Variants in TBC1D22A observed in about 807,000 individuals in gnomAD.
TBC1D22A encodes the protein TBC1 domain family member 22A, also known as putative GTPase activator.
TBC1D22A carries 38 observed loss-of-function variants against 60.2 expected under a neutral mutation model. The observed-to-expected ratio is 0.63, with a 90% CI of 0.49 to 0.83. The LOEUF (loss-of-function observed/expected upper bound fraction) is 0.83, where lower values mean the gene tolerates loss of function less well. Ranked by LOEUF, TBC1D22A falls within the 40% of genes least tolerant of loss-of-function variation. The pLI, the probability that TBC1D22A is intolerant of heterozygous loss-of-function variation, is 0.00. For synonymous variants in TBC1D22A, 302 were observed against 281.7 expected (o/e 1.07, Z -0.72); for missense variants, 628 against 701.0 (o/e 0.90, Z 1.18).
intron 12 of TBC1D22A, among the ~76,000 whole-genome samples, chr22:47,123,104 G>A (rs1244216669): frequency 6.6e-6 from 1 of 152,202 alleles, no homozygotes; most frequent in Non-Finnish European, 1.5e-5. Context: ...GGAGGCTGAG[G>A]GGTGTTCCCG....
intron 10 of TBC1D22A, among the ~76,000 whole-genome samples, chr22:47,015,891 T>C (rs1017705940): frequency 2.6e-4 from 39 of 152,238 alleles, no homozygotes; most frequent in African/African-American, 8.0e-4. Flanking sequence ...CATGTCCATC[T>C]GTCTCTTCCT....
chr22:46,965,925 G>T (rs1190627713), intron 8 of TBC1D22A, among the ~76,000 whole-genome samples: 1 of 152,320 alleles, frequency 6.6e-6, no homozygotes, highest in East Asian at 1.9e-4. Context: ...TTTCCACAGC[G>T]CTGGCTTCAT....
chr22:46,982,971 C>T (rs1405439925), intron 9 of TBC1D22A, among the ~76,000 whole-genome samples: 6 of 152,164 alleles, frequency 3.9e-5, no homozygotes, highest in Non-Finnish European at 5.9e-5. Context: ...TGGACAGCTC[C>T]GCCTGGGAAG....
At chr22:47,106,322 A>T (rs2065630637) in intron 11 of TBC1D22A, among the ~76,000 whole-genome samples, 1 of 152,230 alleles carries the variant, frequency 6.6e-6, no homozygotes, top group Non-Finnish European at 1.5e-5. Context: ...CAGATTCAGA[A>T]AGACCAATAT....
At chr22:47,040,724 C>T (rs987712996) in intron 11 of TBC1D22A, among the ~76,000 whole-genome samples, 3 of 152,118 alleles carry the variant, frequency 2.0e-5, no homozygotes, top group African/African-American at 7.2e-5. Context: ...AGCAGAGGAG[C>T]AGCTGGGGTA....
At chr22:47,052,106 T>C (rs1229573881) in intron 11 of TBC1D22A, among the ~76,000 whole-genome samples, 1 of 152,224 alleles carries the variant, frequency 6.6e-6, no homozygotes, top group Non-Finnish European at 1.5e-5. Flanking sequence ...CCGCAGGTCC[T>C]CTGTCACTCT....
intron 12 of TBC1D22A, among the ~76,000 whole-genome samples, chr22:47,158,152 G>C (rs1232493212): frequency 1.3e-5 from 2 of 152,206 alleles, no homozygotes; most frequent in Non-Finnish European, 2.9e-5. Context: ...TGTGGGTTCT[G>C]CACCCAGCCC....
chr22:46,942,378 C>A (rs1205696369), intron 8 of TBC1D22A, among the ~76,000 whole-genome samples: 2 of 152,124 alleles, frequency 1.3e-5, no homozygotes, highest in African/African-American at 4.8e-5. Flanking sequence ...CTTCACCACT[C>A]CTGTTGGTTT....
chr22:46,968,725 C>T (rs956536655), intron 8 of TBC1D22A, among the ~76,000 whole-genome samples: 1 of 152,214 alleles, frequency 6.6e-6, no homozygotes, highest in Non-Finnish European at 1.5e-5. Flanking sequence ...CCCACTGTTT[C>T]TTTAATCTTC....
intron 11 of TBC1D22A, among the ~76,000 whole-genome samples, chr22:47,095,840 C>G (rs953915352): frequency 6.6e-6 from 1 of 152,190 alleles, no homozygotes; most frequent in Non-Finnish European, 1.5e-5. Context: ...GGATGCTGAG[C>G]GGGTTGAGTC....
chr22:46,828,522 C>T (rs2086169816), intron 4 of TBC1D22A, among the ~76,000 whole-genome samples: 1 of 152,240 alleles, frequency 6.6e-6, no homozygotes, highest in Admixed American at 6.5e-5. Flanking sequence ...TGGCCTGGGC[C>T]GCTTTGGGAG....
At chr22:47,125,110 G>A (rs561940165) in intron 12 of TBC1D22A, among the ~76,000 whole-genome samples, 2 of 152,198 alleles carry the variant, frequency 1.3e-5, no homozygotes, top group South Asian at 2.1e-4. Context: ...ATGGGGCAGC[G>A]CCCTCCAGAG....
chr22:46,784,820 G>T (rs199800208), intron 1 of TBC1D22A, among the ~76,000 whole-genome samples: 1 of 152,338 alleles, frequency 6.6e-6, no homozygotes, highest in East Asian at 1.9e-4. Flanking sequence ...CCAGTATTCA[G>T]ATTTCTGTGA....
rs192828870 is a variant in TBC1D22A, at chr22:46,936,497, G to C, written c.1015+24309G>C. ...TCTCTTTAATGAACTGTGCCCGCTG[G>C]GGCCTGGGGCCAGGGCCGGCATTCC... On this transcript the variant is annotated intron_variant, in intron 8 of 12. Coordinates refer to ENST00000337137, the MANE Select transcript of TBC1D22A (RefSeq NM_014346.5). Among the ~76,000 whole-genome samples, 43 of 152,118 alleles carry C rather than the reference G, an allele frequency of 2.8e-4. 1 individual carries two copies. The East Asian group carries it at 7.7e-3, about 27-fold the overall frequency.
intron 8 of TBC1D22A, among the ~76,000 whole-genome samples, chr22:46,955,509 T>TTG (rs1200867925): frequency 6.6e-6 from 1 of 152,118 alleles, no homozygotes; most frequent in South Asian, 2.1e-4. Context: ...ACGTTTTCGT[T>TTG]TGTGTGTGTG....
At chr22:46,966,532 A>G (rs987372148) in intron 8 of TBC1D22A, among the ~76,000 whole-genome samples, 5 of 152,234 alleles carry the variant, frequency 3.3e-5, no homozygotes, top group South Asian at 2.1e-4. Context: ...CAGCTTTTCT[A>G]TGAACCACAA....
chr22:47,174,287 G>A lies in TBC1D22A; in HGVS notation c.*661G>A, dbSNP rs1210949447. 1 of 152,404 alleles carries A rather than the reference G, an allele frequency of 6.6e-6. No individual in the cohort carries two copies. Among genetic ancestry groups the A allele is most frequent in the Non-Finnish European group, 1.5e-5 (1 of 68,154 alleles). 9.4% of individuals were successfully genotyped at this position (152,404 alleles called of 1,614,324 possible). On this transcript the variant is annotated 3_prime_UTR_variant, in exon 13 of 13. Coordinates refer to ENST00000337137, the MANE Select transcript of TBC1D22A (RefSeq NM_014346.5). ...GTGGGACCAAAGGCTGGGAGCAGAG[G>A]GAGGCCTCGCCATCGCCTTACTTTC...
intron 4 of TBC1D22A, among the ~76,000 whole-genome samples, chr22:46,835,958 A>C (rs941717928): frequency 6.6e-6 from 1 of 152,150 alleles, no homozygotes; most frequent in Non-Finnish European, 1.5e-5. Context: ...GAAAAAAAAA[A>C]CCTGCCGACT....
chr22:47,038,979 C>A (rs561440498), intron 11 of TBC1D22A, among the ~76,000 whole-genome samples: 17 of 152,126 alleles, frequency 1.1e-4, no homozygotes, highest in African/African-American at 3.4e-4. Flanking sequence ...GAATGCTGTC[C>A]GTTTTTGTGA....
Sources: gnomAD v4.1 joint callset for allele counts (sites outside exome capture counted in the v4.1 genomes callset) on GRCh38, gnomAD v4.1.1 for gene constraint, MANE v1.5 for transcripts, NCBI Gene and HGNC (gene_info 2026-07-23, HGNC 2026-07-21) for gene names.